Variants in LMBR1 observed in about 807,000 individuals in gnomAD.
LMBR1 encodes the protein limb development membrane protein 1.
LMBR1 carries 52 observed loss-of-function variants against 73.9 expected under a neutral mutation model. The ratio of observed to expected loss-of-function variants is 0.70; its 90% CI spans 0.56 to 0.89. The LOEUF is 0.89. Ranked by LOEUF, LMBR1 falls within the 40% of genes least tolerant of loss-of-function variation. The probability of loss-of-function intolerance (pLI) is 0.00; values close to 1 mark genes in which losing one functional copy is unlikely to be tolerated. For synonymous variants in LMBR1, 215 were observed against 209.4 expected (o/e 1.03, Z -0.23); for missense variants, 539 against 579.8 (o/e 0.93, Z 0.72).
chr7:156,790,011 C>A (rs866462620), intron 5 of LMBR1, among the ~76,000 whole-genome samples: 26 of 151,992 alleles, frequency 1.7e-4, no homozygotes, highest in African/African-American at 5.6e-4. Context: ...CCTGAACTAT[C>A]AAACATTATG....
chr7:156,680,553 C>G lies in LMBR1; in HGVS notation c.*3525G>C, dbSNP rs1804863734. The G allele has an allele frequency of 6.6e-6, 1 of 152,260 alleles. No individual in the cohort carries two copies. 9.4% of individuals were successfully genotyped at this position (152,260 alleles called of 1,614,324 possible). On this transcript the variant is annotated 3_prime_UTR_variant, in exon 17 of 17. Transcript: ENST00000353442. ...GAACTCTGGGTTAAGCTGTCCAGACCACAAGTAGGTGCTGTTCAGTCCTTT... is the reference window on the plus strand; with the variant it reads ...GAACTCTGGGTTAAGCTGTCCAGACGACAAGTAGGTGCTGTTCAGTCCTTT...
At chr7:156,836,756 C>A in intron 2 of LMBR1, 57 bp downstream of exon 2, 1 of 1,101,152 alleles carries the variant, frequency 9.1e-7, no homozygotes, top group South Asian at 1.4e-5. Context: ...TCTTATATAC[C>A]ATGCCTAGAC....
At chr7:156,845,479 T>C (rs1354550755) in intron 1 of LMBR1, among the ~76,000 whole-genome samples, 2 of 151,996 alleles carry the variant, frequency 1.3e-5, no homozygotes, top group African/African-American at 4.8e-5. Flanking sequence ...AAGATAATAA[T>C]GTAATAAAGA....
At chr7:156,708,683 G>A (rs1033643980) in intron 15 of LMBR1, among the ~76,000 whole-genome samples, 1 of 152,148 alleles carries the variant, frequency 6.6e-6, no homozygotes, top group Admixed American at 6.5e-5. Context: ...ATCTGGTAGG[G>A]GGGCAGGGTG....
At chr7:156,720,598 G>A (rs1198734074) in intron 15 of LMBR1, among the ~76,000 whole-genome samples, 1 of 151,776 alleles carries the variant, frequency 6.6e-6, no homozygotes, top group East Asian at 1.9e-4. Context: ...TTATTGCTCA[G>A]ATATAAGAAC....
rs1386311699 is a variant in LMBR1, at chr7:156,670,478, A to G, written n.867-1191T>C. On this transcript the variant is annotated intron_variant and non_coding_transcript_variant, in intron 4 of 4. Transcript: ENST00000430825. The surrounding 1 kb of genome is among the most constrained non-coding windows in gnomAD (Gnocchi z 4.3). Reference sequence around the variant, plus strand: ...ACGTGGGACAGAGGCAACAGCTTGAAGCAACAAAGGCTAAGAATTTTCCAG... The same window carrying G: ...ACGTGGGACAGAGGCAACAGCTTGAGGCAACAAAGGCTAAGAATTTTCCAG... Among the ~76,000 whole-genome samples, 4 of 152,246 alleles carry G rather than the reference A, an allele frequency of 2.6e-5. No individual in the cohort carries two copies. The highest frequency in any genetic ancestry group is 9.6e-5 in the African/African-American group (4 of 41,456).
downstream of LMBR1, chr7:156,675,934 TGGGGG>T: frequency 6.8e-7 from 1 of 1,478,656 alleles, no homozygotes; most frequent in Non-Finnish European, 9.3e-7. Flanking sequence ...GAGTGGCATG[TGGGGG>T]GAGGTCGAGG....
At chr7:156,785,488 T>C (rs778922668) in intron 5 of LMBR1, among the ~76,000 whole-genome samples, 2 of 152,150 alleles carry the variant, frequency 1.3e-5, no homozygotes, top group Non-Finnish European at 2.9e-5. Context: ...CATACGGATG[T>C]ATTCAGCAGT....
In LMBR1 at chr7:156,777,088, C is replaced by T. The variant is rs529457167; in HGVS notation, c.424-13293G>A. 5.1e-4 allele frequency among the ~76,000 whole-genome samples: 77 copies of T among 152,248 alleles called. 1 individual carries two copies. Among genetic ancestry groups the T allele is most frequent in the African/African-American group, 1.9e-3 (77 of 41,546 alleles). ...TTGGGACTACAGGCGCCAGCCACCA[C>T]GCCCAGCTAATATTATCTCTGTATT... On this transcript the variant is annotated intron_variant, in intron 5 of 16. Coordinates refer to ENST00000353442, the MANE Select transcript of LMBR1 (RefSeq NM_022458.4).
intron 1 of LMBR1, among the ~76,000 whole-genome samples, chr7:156,849,697 G>A (rs1239768834): frequency 6.6e-6 from 1 of 152,152 alleles, no homozygotes; most frequent in Admixed American, 6.5e-5. Context: ...GAATGAACAG[G>A]CAGAGCTTAG....
At chr7:156,724,084 T>TA (rs1815191212) in intron 15 of LMBR1, 28 bp downstream of exon 15, 2 of 1,570,114 alleles carry the variant, frequency 1.3e-6, no homozygotes, top group Non-Finnish European at 1.7e-6. Flanking sequence ...CATGGATCTT[T>TA]AAGTGAAAAT....
At chr7:156,756,826 G>C (rs1821973720) in intron 8 of LMBR1, among the ~76,000 whole-genome samples, 1 of 151,938 alleles carries the variant, frequency 6.6e-6, no homozygotes, top group South Asian at 2.1e-4. Flanking sequence ...TTGTTTGTTT[G>C]TTTGTTTGAG....
chr7:156,891,204 AAAAAAAAATATATATATAT>A (rs1802857189), intron 1 of LMBR1, among the ~76,000 whole-genome samples: 1 of 98,166 alleles, frequency 1.0e-5, no homozygotes, highest in Non-Finnish European at 2.0e-5. Flanking sequence ...AAAAAAAAAA[AAAAAAAAATATATATATAT>A]ATATATATAT....
intron 15 of LMBR1, among the ~76,000 whole-genome samples, chr7:156,703,174 C>T (rs1810171093): frequency 6.6e-6 from 1 of 152,226 alleles, no homozygotes; most frequent in African/African-American, 2.4e-5. Context: ...CAGACCCAGG[C>T]AGCTACAGTA....
At chr7:156,719,795 T>C (rs1176431571) in intron 15 of LMBR1, among the ~76,000 whole-genome samples, 2 of 152,072 alleles carry the variant, frequency 1.3e-5, no homozygotes, top group Non-Finnish European at 2.9e-5. Flanking sequence ...TCAGAAATAA[T>C]GCCGCATTAT....
rs1218710526 is a variant in LMBR1 at position 156,669,455 on chromosome 7, G to A, written n.867-168C>T. ...CACCCTGAACCCAAATGGAGGAACC[G>A]TGCCGTTCCCTGGAACCTCTGTCCA... On this transcript the variant is annotated intron_variant and non_coding_transcript_variant, in intron 4 of 4. Coordinates refer to the LMBR1 transcript ENST00000430825. The surrounding 1 kb of genome is among the most constrained non-coding windows in gnomAD (Gnocchi z 4.2). 6.6e-6 allele frequency among the ~76,000 whole-genome samples: 1 copy of A among 152,158 alleles called. No homozygotes were observed. The highest frequency in any genetic ancestry group is 2.4e-5 in the African/African-American group (1 of 41,430).
chr7:156,785,482 C>T (rs759436095), intron 5 of LMBR1, among the ~76,000 whole-genome samples: 3 of 152,102 alleles, frequency 2.0e-5, no homozygotes, highest in Non-Finnish European at 4.4e-5. Context: ...TCCTGACATA[C>T]GGATGTATTC....
At chr7:156,768,450 A>G (rs117850272) in intron 5 of LMBR1, among the ~76,000 whole-genome samples, 1 of 152,192 alleles carries the variant, frequency 6.6e-6, no homozygotes, top group African/African-American at 2.4e-5. Context: ...TAAGAAATTC[A>G]TTTAGAATTT....
intron 15 of LMBR1, among the ~76,000 whole-genome samples, chr7:156,704,738 A>G (rs139921084): frequency 5.8e-4 from 88 of 151,218 alleles, no homozygotes; most frequent in African/African-American, 2.0e-3. Flanking sequence ...GAAGTTTACT[A>G]AGGAAATAGT....
Sources: gnomAD v4.1 joint callset for allele counts (sites outside exome capture counted in the v4.1 genomes callset) on GRCh38, gnomAD v4.1.1 for gene constraint, Gnocchi (gnomAD v3.1) non-coding constraint, MANE v1.5 for transcripts, NCBI Gene and HGNC (gene_info 2026-07-23, HGNC 2026-07-21) for gene names.